SDK1: variants seen among roughly 807,000 people sequenced by gnomAD.
SDK1 encodes the protein protein sidekick-1.
Under a neutral mutation model 245.5 loss-of-function variants are expected in SDK1, and 157 were observed. That is an observed-to-expected ratio of 0.64 (90% confidence interval 0.56 to 0.73). The LOEUF (loss-of-function observed/expected upper bound fraction) is 0.73, where lower values mean the gene tolerates loss of function less well. SDK1 is among the 30% of genes least tolerant of loss of function. SDK1 has a pLI of 0.00. For missense variants in SDK1, 3,583 were observed against 3,002.3 expected, an observed-to-expected ratio of 1.19 and a Z score of -4.52; for synonymous variants, 1,647 against 1,278.5, an observed-to-expected ratio of 1.29 and a Z score of -6.15.
rs1319433571 is a variant in SDK1, at chr7:3,969,175, C to G, written c.1547-82C>G. The stretch of plus-strand genomic sequence containing the variant: ...GGGGACACGGAGCCGAACCATATTA[C>G]TTGCTTATGGCTCTAACCACTATCT... On this transcript the variant is annotated intron_variant, in intron 10 of 44. Coordinates refer to ENST00000404826, the MANE Select transcript of SDK1 (RefSeq NM_152744.4). 2.3e-6 allele frequency: 3 copies of G among 1,283,126 alleles called. No homozygotes were observed. In the Admixed American group the frequency reaches 7.7e-5, roughly 33 times the overall value. 79.5% of individuals were successfully genotyped at this position (1,283,126 alleles called of 1,614,324 possible).
At chr7:3,473,642 A>C in intron 1 of SDK1, among the ~76,000 whole-genome samples, 1 of 151,448 alleles carries the variant, frequency 6.6e-6, no homozygotes, top group East Asian at 1.9e-4. Context: ...ACTACCTTTT[A>C]TTTCCTGGGT....
chr7:3,589,614 A>G (rs1174913643), intron 1 of SDK1, among the ~76,000 whole-genome samples: 2 of 152,234 alleles, frequency 1.3e-5, no homozygotes, highest in African/African-American at 4.8e-5. Flanking sequence ...GTGGAAGGCA[A>G]AGGAGGAGTA....
chr7:3,354,249 TG>T (rs1780735835), intron 1 of SDK1, among the ~76,000 whole-genome samples: 2 of 151,958 alleles, frequency 1.3e-5, no homozygotes, highest in Non-Finnish European at 2.9e-5. Flanking sequence ...CTGCCTGCCT[TG>T]GCCTCCCAAA....
chr7:3,827,362 T>C (rs796418138), intron 5 of SDK1, among the ~76,000 whole-genome samples: 14 of 152,264 alleles, frequency 9.2e-5, no homozygotes, highest in African/African-American at 3.4e-4. Context: ...AACTGCTCCT[T>C]TCTTTCCGAA....
At chr7:3,496,628 A>G (rs1782035382) in intron 1 of SDK1, among the ~76,000 whole-genome samples, 1 of 152,208 alleles carries the variant, frequency 6.6e-6, no homozygotes, top group Non-Finnish European at 1.5e-5. Context: ...GTCAAGTATA[A>G]TATATTGGTT....
intron 1 of SDK1, among the ~76,000 whole-genome samples, chr7:3,404,625 C>T (rs537852885): frequency 3.3e-5 from 5 of 152,218 alleles, no homozygotes; most frequent in Admixed American, 3.3e-4. Flanking sequence ...TGGAAAGCTT[C>T]TCTGGGCTGA....
intron 41 of SDK1, among the ~76,000 whole-genome samples, chr7:4,235,304 C>T (rs1436779207): frequency 6.6e-6 from 1 of 152,168 alleles, no homozygotes; most frequent in Non-Finnish European, 1.5e-5. Flanking sequence ...GCTGAGATTA[C>T]AAGCATGTGC....
intron 1 of SDK1, among the ~76,000 whole-genome samples, chr7:3,378,931 C>A (rs1022232472): frequency 1.2e-4 from 19 of 152,090 alleles, no homozygotes; most frequent in Non-Finnish European, 7.3e-5. Context: ...ACCTCCCACC[C>A]CTTCCCCGGA....
At chr7:4,033,433 C>T (rs553414081) in intron 17 of SDK1, among the ~76,000 whole-genome samples, 370 of 152,108 alleles carry the variant, frequency 2.4e-3, no homozygotes, top group Non-Finnish European at 4.5e-3. Context: ...CTCAAAATCT[C>T]GAAGCAATAA....
At chr7:4,206,447 G>A (rs1240101150) in intron 36 of SDK1, among the ~76,000 whole-genome samples, 3 of 152,148 alleles carry the variant, frequency 2.0e-5, no homozygotes, top group African/African-American at 4.8e-5. Context: ...TGATTCGGTC[G>A]GTCCAGGGTG....
intron 1 of SDK1, among the ~76,000 whole-genome samples, chr7:3,451,491 G>A (rs973481001): frequency 2.0e-5 from 3 of 152,120 alleles, no homozygotes; most frequent in African/African-American, 7.2e-5. Flanking sequence ...TTGCACTGAG[G>A]CCTCTGCAGA....
chr7:4,144,386 C>T (rs561601931), intron 28 of SDK1, among the ~76,000 whole-genome samples: 1 of 151,184 alleles, frequency 6.6e-6, no homozygotes, highest in Non-Finnish European at 1.5e-5. Context: ...CCTGCAGACA[C>T]CTGCGCCTAG....
chr7:4,210,531 G>C (rs1185127883), intron 38 of SDK1, among the ~76,000 whole-genome samples: 6 of 152,106 alleles, frequency 3.9e-5, no homozygotes, highest in Non-Finnish European at 8.8e-5. Context: ...GACCACCCAG[G>C]GTTCCACTTG....
intron 7 of SDK1, chr7:3,952,162 C>A (rs1404169063): frequency 3.9e-6 from 2 of 518,364 alleles, no homozygotes; most frequent in East Asian, 7.2e-5. Flanking sequence ...ACTCCAGTCA[C>A]AAAGCTCGGG....
intron 1 of SDK1, among the ~76,000 whole-genome samples, chr7:3,408,017 A>G (rs922829936): frequency 2.6e-5 from 4 of 152,152 alleles, no homozygotes; most frequent in African/African-American, 9.7e-5. Context: ...GTGTATGATA[A>G]AATGGAGAAC....
intron 1 of SDK1, among the ~76,000 whole-genome samples, chr7:3,481,425 C>T (rs1290183768): frequency 2.0e-5 from 3 of 152,164 alleles, no homozygotes; most frequent in Non-Finnish European, 2.9e-5. Context: ...CCGATGTCTT[C>T]GATGTACTCC....
chr7:3,495,446 A>T (rs926412215), intron 1 of SDK1, among the ~76,000 whole-genome samples: 1 of 151,450 alleles, frequency 6.6e-6, no homozygotes, highest in Non-Finnish European at 1.5e-5. Context: ...TTTAGTAGAG[A>T]TGAAGTTTTG....
chr7:3,551,040 G>C (rs986957249), intron 1 of SDK1, among the ~76,000 whole-genome samples: 1 of 152,190 alleles, frequency 6.6e-6, no homozygotes, highest in Admixed American at 6.5e-5. Flanking sequence ...TTAGGAGAAA[G>C]ATTAACCTAT....
rs201720029 is a variant in SDK1 at position 3,738,961 on chromosome 7, G to GT, written c.714-82482dup. On this transcript the variant is annotated intron_variant, in intron 4 of 44. Transcript: ENST00000404826. Reference sequence around the variant, plus strand: ...TCTATGTATAAGATCAATTATTTTTGTTTTTTTGTTTTTTTAAAATATTTC... The same window carrying GT: ...TCTATGTATAAGATCAATTATTTTTGTTTTTTTTGTTTTTTTAAAATATTTC... 3.8e-3 allele frequency among the ~76,000 whole-genome samples: 560 copies of GT among 146,762 alleles called. 7 individuals carry two copies. The highest frequency in any genetic ancestry group is 0.014 in the African/African-American group (522 of 38,044).
Sources: gnomAD v4.1 joint callset for allele counts (sites outside exome capture counted in the v4.1 genomes callset) on GRCh38, gnomAD v4.1.1 for gene constraint, MANE v1.5 for transcripts, NCBI Gene and HGNC (gene_info 2026-07-23, HGNC 2026-07-21) for gene names.